MAPKAP1: variants seen among roughly 807,000 people sequenced by gnomAD.
The protein encoded by MAPKAP1 is MAPK associated protein 1.
A neutral mutation model predicts 65.7 loss-of-function variants in MAPKAP1; 20 were observed. The ratio of observed to expected loss-of-function variants is 0.30; its 90% CI spans 0.21 to 0.44. The LOEUF (loss-of-function observed/expected upper bound fraction) is 0.44, where lower values mean the gene tolerates loss of function less well. Among genes scored for constraint, MAPKAP1 ranks in the 20% least tolerant of loss-of-function variants. The probability of loss-of-function intolerance (pLI) is 1.00; values close to 1 mark genes in which losing one functional copy is unlikely to be tolerated. For synonymous variants in MAPKAP1, 222 were observed against 244.3 expected (o/e 0.91, Z 0.85); for missense variants, 423 against 648.0 (o/e 0.65, Z 3.77).
intron 9 of MAPKAP1, among the ~76,000 whole-genome samples, chr9:125,480,047 C>T (rs929966321): frequency 4.6e-5 from 7 of 152,130 alleles, no homozygotes; most frequent in African/African-American, 1.7e-4. Context: ...CTGTTTGCCT[C>T]CCTACTCTTG....
chr9:125,472,227 G>T (rs1230708858), intron 9 of MAPKAP1, among the ~76,000 whole-genome samples: 1 of 152,164 alleles, frequency 6.6e-6, no homozygotes, highest in Non-Finnish European at 1.5e-5. Flanking sequence ...CTAGGTCAGG[G>T]AGCATCTAAG....
At chr9:125,465,233 G>A (rs1292710549) in intron 10 of MAPKAP1, among the ~76,000 whole-genome samples, 5 of 152,164 alleles carry the variant, frequency 3.3e-5, no homozygotes, top group Non-Finnish European at 5.9e-5. Context: ...AAGGCCCCAA[G>A]AACAATTTTT....
intron 6 of MAPKAP1, among the ~76,000 whole-genome samples, chr9:125,557,649 T>TA (rs911407845): frequency 5.4e-5 from 8 of 146,886 alleles, no homozygotes; most frequent in African/African-American, 1.9e-4. Flanking sequence ...AATTACTTAT[T>TA]AAAACCACAC....
At chr9:125,662,365 G>A (rs1015161800) in intron 3 of MAPKAP1, among the ~76,000 whole-genome samples, 2 of 152,192 alleles carry the variant, frequency 1.3e-5, no homozygotes, top group East Asian at 3.9e-4. Flanking sequence ...CCCGGTGAGA[G>A]TGCAAGACCC....
chr9:125,567,990 T>C (rs1009537834), intron 5 of MAPKAP1: 1 of 152,338 alleles, frequency 6.6e-6, no homozygotes, highest in Non-Finnish European at 1.5e-5. Flanking sequence ...TTGGACAACT[T>C]TGGGTAAGTA....
chr9:125,566,729 C>T (rs1471069376), intron 5 of MAPKAP1, among the ~76,000 whole-genome samples: 1 of 152,228 alleles, frequency 6.6e-6, no homozygotes, highest in Non-Finnish European at 1.5e-5. Context: ...GCCATCCACA[C>T]AGTTCTTCAA....
chr9:125,629,084 C>CACACAT (rs1833197222), intron 4 of MAPKAP1, among the ~76,000 whole-genome samples: 1 of 150,544 alleles, frequency 6.6e-6, no homozygotes, highest in Admixed American at 6.6e-5. Context: ...CACACACACA[C>CACACAT]ACACACACCA....
chr9:125,623,736 C>G (rs1269198986), intron 4 of MAPKAP1, among the ~76,000 whole-genome samples: 6 of 37,638 alleles, frequency 1.6e-4, no homozygotes, highest in Admixed American at 2.8e-4. Context: ...CCCGGCCAGC[C>G]GCCCCATCCG....
chr9:125,691,122 G>C (rs919947263), intron 1 of MAPKAP1, among the ~76,000 whole-genome samples: 1 of 152,106 alleles, frequency 6.6e-6, no homozygotes, highest in Non-Finnish European at 1.5e-5. Context: ...TTAGCCGGGC[G>C]TGGTGGCGGG....
chr9:125,505,945 T>C (rs13287071), intron 8 of MAPKAP1: 69,697 of 243,824 alleles, frequency 0.29, 11,618 homozygotes, highest in Non-Finnish European at 0.36. Flanking sequence ...TAAAATTTTC[T>C]AAAACCTGAT....
At chr9:125,652,468 A>G (rs1227946164) in intron 4 of MAPKAP1, among the ~76,000 whole-genome samples, 1 of 152,130 alleles carries the variant, frequency 6.6e-6, no homozygotes, top group Non-Finnish European at 1.5e-5. Context: ...TTAACAGCCA[A>G]GCAATTAGCA....
At chr9:125,486,677 C>T (rs1854509262) in intron 8 of MAPKAP1, among the ~76,000 whole-genome samples, 1 of 152,294 alleles carries the variant, frequency 6.6e-6, no homozygotes, top group South Asian at 2.1e-4. Context: ...ACCATCCCAG[C>T]ACCCACAATA....
At chr9:125,541,178 G>A (rs533144327) in intron 7 of MAPKAP1, among the ~76,000 whole-genome samples, 1 of 152,206 alleles carries the variant, frequency 6.6e-6, no homozygotes, top group Non-Finnish European at 1.5e-5. Context: ...CAAAGACTCT[G>A]ATGGAAAAGG....
chr9:125,474,244 T>C (rs375212506), intron 9 of MAPKAP1, among the ~76,000 whole-genome samples: 12 of 152,262 alleles, frequency 7.9e-5, no homozygotes, highest in South Asian at 4.1e-4. Flanking sequence ...TGGGAGACAA[T>C]GCCTTCATCC....
rs1318933940 is a variant in MAPKAP1, at chr9:125,547,457, AG to A, written c.849-4290del. ...GAACCTCAGCCGCATCCATGAAATGAGTAGGCTACTTCCCTATAGAATTGTC... is the reference window on the plus strand; with the variant it reads ...GAACCTCAGCCGCATCCATGAAATGATAGGCTACTTCCCTATAGAATTGTC... On this transcript the variant is annotated intron_variant, in intron 6 of 11. Transcript: ENST00000265960. 5.9e-5 allele frequency among the ~76,000 whole-genome samples: 9 copies of A among 152,340 alleles called. No individual in the cohort carries two copies. In the East Asian group the frequency reaches 1.7e-3, roughly 29 times the overall value.
chr9:125,685,690 T>C (rs775692285), intron 1 of MAPKAP1, among the ~76,000 whole-genome samples: 8 of 152,232 alleles, frequency 5.3e-5, no homozygotes, highest in Non-Finnish European at 7.3e-5. Flanking sequence ...CATGTTGGTT[T>C]TCTCTTCTAA....
At chr9:125,558,611 C>G (rs1830805404) in intron 6 of MAPKAP1, among the ~76,000 whole-genome samples, 1 of 152,088 alleles carries the variant, frequency 6.6e-6, no homozygotes, top group Non-Finnish European at 1.5e-5. Context: ...AGTGAATTTG[C>G]TGGTTACTAA....
chr9:125,557,463 T>C (rs576982869), intron 6 of MAPKAP1, among the ~76,000 whole-genome samples: 22 of 152,288 alleles, frequency 1.4e-4, no homozygotes, highest in Non-Finnish European at 2.1e-4. Flanking sequence ...ATAAAAATGA[T>C]TTTAGGAATT....
At chr9:125,494,027 G>A (rs1026108886) in intron 8 of MAPKAP1, among the ~76,000 whole-genome samples, 6 of 152,148 alleles carry the variant, frequency 3.9e-5, no homozygotes, top group East Asian at 1.9e-4. Context: ...ACACAGTCAC[G>A]CCTGGCCATG....
Sources: gnomAD v4.1 joint callset for allele counts (sites outside exome capture counted in the v4.1 genomes callset) on GRCh38, gnomAD v4.1.1 for gene constraint, MANE v1.5 for transcripts, NCBI Gene and HGNC (gene_info 2026-07-23, HGNC 2026-07-21) for gene names.